IQCE: variants seen among roughly 807,000 people sequenced by gnomAD.
IQCE encodes IQ motif containing E.
In IQCE, 115 loss-of-function variants were observed where a neutral mutation model predicts 96.0. The observed-to-expected ratio is 1.20, with a 90% CI of 1.03 to 1.40. The LOEUF (loss-of-function observed/expected upper bound fraction) is 1.40. Ranked by LOEUF, IQCE falls within the 40% of genes most tolerant of loss-of-function variation. The pLI, the probability that IQCE is intolerant of heterozygous loss-of-function variation, is 0.00. For synonymous variants in IQCE, 412 were observed against 371.2 expected, an observed-to-expected ratio of 1.11 and a Z score of -1.26; for missense variants, 1,041 against 909.1, an observed-to-expected ratio of 1.15 and a Z score of -1.87.
At chr7:2,582,190 C>A (rs1782726518) in intron 8 of IQCE, 1 of 401,510 alleles carries the variant, frequency 2.5e-6, no homozygotes, top group Admixed American at 3.6e-5. Context: ...GGAGACTGAA[C>A]TGGGCGGCCC....
chr7:2,581,835 G>C (rs961021698), intron 8 of IQCE, among the ~76,000 whole-genome samples: 74 of 150,702 alleles, frequency 4.9e-4, no homozygotes, highest in African/African-American at 1.8e-3. Flanking sequence ...TCAGCCTCCC[G>C]AGTAGCTGGG....
chr7:2,576,033 T>C (rs1299326302), intron 6 of IQCE, among the ~76,000 whole-genome samples: 1 of 152,234 alleles, frequency 6.6e-6, no homozygotes, highest in Non-Finnish European at 1.5e-5. Flanking sequence ...CCTTCGCTAA[T>C]TTACTTCACA....
chr7:2,590,390 G>A (rs1188909648), intron 14 of IQCE, among the ~76,000 whole-genome samples: 2 of 152,240 alleles, frequency 1.3e-5, no homozygotes, highest in Admixed American at 1.3e-4. Flanking sequence ...TGTTCAGCTC[G>A]TAGTAGTCAC....
In IQCE at chr7:2,570,079, C is replaced by T. The variant is rs140667776; in HGVS notation, c.130+1080C>T. On this transcript the variant is annotated intron_variant, in intron 3 of 21. Coordinates refer to ENST00000402050, the MANE Select transcript of IQCE (RefSeq NM_152558.5). ...AGGGACCATGTCTGTCCTGTTCACT[C>T]AGCAAGTGTTTTTCTCCAAGGCCTG... Among the ~76,000 whole-genome samples the T allele has an allele frequency of 1.7e-4, 26 of 152,134 alleles. No homozygotes were observed. In the East Asian group the frequency reaches 4.6e-3, roughly 27 times the overall value.
At chr7:2,589,366 AAAG>A (rs2128457745) in intron 13 of IQCE, among the ~76,000 whole-genome samples, 1 of 152,302 alleles carries the variant, frequency 6.6e-6, no homozygotes, top group Admixed American at 6.5e-5. Context: ...TCTCAAAAAA[AAAG>A]AAGAAAAGGT....
intron 3 of IQCE, 35 bp downstream of exon 3, chr7:2,569,034 C>T (rs200043602): frequency 2.2e-5 from 36 of 1,600,440 alleles, no homozygotes; most frequent in Middle Eastern, 1.7e-4. Context: ...CCTCTCACGC[C>T]GACGTTCCCT....
At chr7:2,593,163 C>T (rs371363664) in intron 15 of IQCE, 37 bp downstream of exon 15, 62 of 1,578,036 alleles carry the variant, frequency 3.9e-5, no homozygotes, top group Non-Finnish European at 4.7e-5. Context: ...AGGACCCAGG[C>T]GAGTCCGCAC....
At chr7:2,577,584 C>G (rs868511927) in intron 6 of IQCE, among the ~76,000 whole-genome samples, 71 of 40,336 alleles carry the variant, frequency 1.8e-3, no homozygotes, top group Admixed American at 2.1e-3. Flanking sequence ...TGCGGCGTGC[C>G]CGCATTGGCG....
intron 1 of IQCE, among the ~76,000 whole-genome samples, chr7:2,559,878 T>C (rs1780808033): frequency 6.7e-6 from 1 of 149,876 alleles, no homozygotes; most frequent in African/African-American, 2.5e-5. Flanking sequence ...CCGGGAGCCG[T>C]GGCTCAGGCC....
At chr7:2,592,708 ACGGG>A (rs1472090428) in intron 14 of IQCE, among the ~76,000 whole-genome samples, 1 of 152,152 alleles carries the variant, frequency 6.6e-6, no homozygotes, top group African/African-American at 2.4e-5. Flanking sequence ...GCACCCTCAC[ACGGG>A]TGCGAGGTCC....
chr7:2,606,669 G>A (rs1784854275), intron 20 of IQCE, among the ~76,000 whole-genome samples: 1 of 152,136 alleles, frequency 6.6e-6, no homozygotes, highest in South Asian at 2.1e-4. Flanking sequence ...TCCCTCCAAG[G>A]CCGCATCTGC....
At position 2,578,581 on chromosome 7, in the gene IQCE, C is replaced by G. The variant is rs562988183; in HGVS notation, c.630+55C>G. The G allele has an allele frequency of 1.9e-6, 3 of 1,571,988 alleles. No individual in the cohort carries two copies. In the East Asian group the frequency reaches 6.7e-5, roughly 35 times the overall value. On this transcript the variant is annotated intron_variant, in intron 8 of 21. Coordinates refer to ENST00000402050, the MANE Select transcript of IQCE (RefSeq NM_152558.5). ...TTCCCCAGACGCTAGTTACTGGGGA[C>G]AGCCACAGAGGGACGCCTTTCCCTG...
intron 18 of IQCE, among the ~76,000 whole-genome samples, chr7:2,602,726 A>T (rs1784518516): frequency 1.3e-5 from 2 of 152,132 alleles, no homozygotes; most frequent in African/African-American, 4.8e-5. Context: ...GGCTCCTGCC[A>T]TGTGCCGGGC....
At chr7:2,606,546 C>T (rs1784842550) in intron 20 of IQCE, among the ~76,000 whole-genome samples, 1 of 152,152 alleles carries the variant, frequency 6.6e-6, no homozygotes, top group Admixed American at 6.5e-5. Flanking sequence ...TCCGTCACCC[C>T]CGTCTGCTTC....
chr7:2,588,987 T>C (rs894365839), intron 13 of IQCE, among the ~76,000 whole-genome samples: 1 of 152,114 alleles, frequency 6.6e-6, no homozygotes, highest in Non-Finnish European at 1.5e-5. Context: ...TTTTAAATAG[T>C]AAATTAGAGC....
At chr7:2,584,200 C>T (rs754175529) in intron 10 of IQCE, 36 bp from the exon 11 acceptor site, 2 of 1,590,376 alleles carry the variant, frequency 1.3e-6, no homozygotes, top group East Asian at 2.2e-5. Flanking sequence ...CCATGCTAGC[C>T]TTGTGTTTTC....
intron 17 of IQCE, among the ~76,000 whole-genome samples, chr7:2,599,613 C>T (rs566467975): frequency 3.3e-5 from 5 of 152,112 alleles, no homozygotes; most frequent in Middle Eastern, 3.4e-3. Flanking sequence ...CCTCCGGCCT[C>T]AGCCTCCCAA....
At position 2,562,285 on chromosome 7, in the gene IQCE, C is replaced by CATATATAT. The variant is rs59044593; in HGVS notation, c.36+3078_36+3085dup. On this transcript the variant is annotated intron_variant, in intron 1 of 21. Transcript: ENST00000402050. ...ATATATACCAGTACCAATTAGGGTA[C>CATATATAT]ATATATATATATATATAAAATCCTT... Among the ~76,000 whole-genome samples the CATATATAT allele has an allele frequency of 1.0e-3, 151 of 146,302 alleles. 1 individual carries two copies. The highest frequency in any genetic ancestry group is 3.3e-3 in the African/African-American group (129 of 39,486).
In IQCE at chr7:2,605,977, C is replaced by T. The variant is rs1443087492; in HGVS notation, c.1845C>T (p.His615=). 7.5e-6 allele frequency: 12 copies of T among 1,609,430 alleles called. No individual in the cohort carries two copies. Among genetic ancestry groups the T allele is most frequent in the African/African-American group, 1.3e-5 (1 of 74,764 alleles). ...IVIIQSALRA[H]LARARHSATG... is the part of the protein sequence containing the mutation. ...TCATCCAGTCCGCTCTGCGGGCACACCTGGCCCGGGCCAGGCACAGGTGAG... is the reference window on the plus strand; with the variant it reads ...TCATCCAGTCCGCTCTGCGGGCACATCTGGCCCGGGCCAGGCACAGGTGAG... Residue 615 remains histidine (H), a synonymous_variant, in exon 20 of 22, where the codon CAC becomes CAT. Transcript: ENST00000402050.
Sources: gnomAD v4.1 joint callset for allele counts (sites outside exome capture counted in the v4.1 genomes callset) on GRCh38, gnomAD v4.1.1 for gene constraint, MANE v1.5 for transcripts, NCBI Gene and HGNC (gene_info 2026-07-23, HGNC 2026-07-21) for gene names.